Variants in MYB observed in about 807,000 individuals in gnomAD.
MYB encodes transcriptional activator Myb.
MYB carries 28 observed loss-of-function variants against 92.9 expected under a neutral mutation model. The observed-to-expected ratio is 0.30, with a 90% CI of 0.22 to 0.41. The LOEUF is 0.41. Ranked by LOEUF, MYB falls within the 10% of genes least tolerant of loss-of-function variation. The probability of loss-of-function intolerance (pLI) is 1.00; values close to 1 mark genes in which losing one functional copy is unlikely to be tolerated. For synonymous variants in MYB, 295 were observed against 329.1 expected (o/e 0.90, Z 1.12); for missense variants, 679 against 929.3 (o/e 0.73, Z 3.50).
intron 5 of MYB, among the ~76,000 whole-genome samples, chr6:135,191,173 A>G (rs1776578898): frequency 6.6e-6 from 1 of 152,190 alleles, no homozygotes; most frequent in South Asian, 2.1e-4. Context: ...TTGAATTCTC[A>G]TACTACTTCC....
chr6:135,217,929 T>C lies in MYB; in HGVS notation c.2235T>C (p.Ser745=), dbSNP rs754537603. The C allele has an allele frequency of 1.2e-6, 2 of 1,613,564 alleles. No individual in the cohort carries two copies. The highest frequency in any genetic ancestry group is 1.7e-6 in the Non-Finnish European group (2 of 1,179,634). ...GKMEEQMTSS[S]QARKYVNAFS... ...TGGAGGAGCAGATGACATCTTCCAG[T>C]CAAGCTCGTAAATACGTGAATGCAT... Residue 745 remains serine (S), a synonymous_variant, in exon 16 of 16, where the codon AGT becomes AGC. Coordinates refer to ENST00000341911, the MANE Select transcript of MYB (RefSeq NM_001130173.2).
intron 15 of MYB, among the ~76,000 whole-genome samples, chr6:135,215,509 T>C (rs900786176): frequency 2.6e-5 from 4 of 152,186 alleles, no homozygotes; most frequent in African/African-American, 4.8e-5. Context: ...GTCTGTAAAA[T>C]GGATGCAGTG....
chr6:135,205,393 A>G (rs1343942012), intron 15 of MYB, among the ~76,000 whole-genome samples: 1 of 152,218 alleles, frequency 6.6e-6, no homozygotes, highest in Non-Finnish European at 1.5e-5. Flanking sequence ...TAGTACAGAA[A>G]AAGTCTGTTC....
Position 135,195,879 on chromosome 6 carries a change from T to A in MYB, c.1080T>A (p.Asp360Glu), listed in dbSNP as rs1562375725. Residue 360 changes from aspartate to glutamate, a missense_variant, in exon 9 of 16, where the codon GAT becomes GAA. Around this residue, in one of 8 missense-constraint regions of MYB, gnomAD observed 56 missense variants for 55.8 expected, o/e 1.00. Transcript: ENST00000341911. ...ACTCCACTCCATCTCTGCCAGCGGA[T>A]CCTGGCTCCCTACCTGAAGAAAGCG... The part of the protein sequence containing the change: ...EHHSTPSLPA[D>E]PGSLPEESAS... 6.2e-7 allele frequency: 1 copy of A among 1,614,188 alleles called. No individual in the cohort carries two copies. Among genetic ancestry groups the A allele is most frequent in the East Asian group, 2.2e-5 (1 of 44,874 alleles).
At chr6:135,205,538 C>T (rs1237248297) in intron 15 of MYB, among the ~76,000 whole-genome samples, 2 of 152,152 alleles carry the variant, frequency 1.3e-5, no homozygotes. Flanking sequence ...ATCTTTGAAA[C>T]TCAAAATTAA....
chr6:135,201,626 T>C lies in MYB; in HGVS notation c.1951-13T>C. The C allele has an allele frequency of 6.3e-7, 1 of 1,576,748 alleles. No individual in the cohort carries two copies. The highest frequency in any genetic ancestry group is 8.7e-7 in the Non-Finnish European group (1 of 1,148,226). On this transcript the variant is annotated splice_polypyrimidine_tract_variant and intron_variant, in intron 13 of 15. Transcript: ENST00000341911. ...GTTCTAGAAACAACAAAGCACTTTC[T>C]ATATGCTTTTAGGTGGAATCTCCAA...
rs1779319408 is a variant in MYB at position 135,208,695 on chromosome 6, G to A, written c.2169+5371G>A. ...CCTGCCCAGCCTGAAGTATTTTAAA[G>A]TAAATTCCAACTAATATAACATTTT... On this transcript the variant is annotated intron_variant, in intron 15 of 15. Transcript: ENST00000341911. 2.6e-5 allele frequency among the ~76,000 whole-genome samples: 4 copies of A among 152,084 alleles called. No individual in the cohort carries two copies. In the South Asian group the frequency reaches 8.3e-4, roughly 31 times the overall value.
chr6:135,192,910 G>A (rs1182725792), intron 6 of MYB, among the ~76,000 whole-genome samples: 1 of 152,214 alleles, frequency 6.6e-6, no homozygotes, highest in Non-Finnish European at 1.5e-5. Flanking sequence ...GGGGAATGGA[G>A]TCGCATTTGT....
rs1413192857 is a variant in MYB, at chr6:135,190,258, C to T, written c.438C>T (p.Ser146=). Residue 146 remains serine, a synonymous_variant, in exon 5 of 16, where the codon TCC becomes TCT. Transcript: ENST00000341911. This position sits in a 1 kb window ranked among gnomAD's most constrained non-coding sequence, Gnocchi z 4.5. ...NHLNPEVKKT[S]WTEEEDRIIY... is the part of the protein sequence containing the mutation. The stretch of plus-strand genomic sequence containing the variant: ...TGAATCCAGAAGTTAAGAAAACCTC[C>T]TGGACAGAAGAGGAAGACAGAATTA... 2 of 1,613,974 alleles carry T rather than the reference C, an allele frequency of 1.2e-6. No homozygotes were observed. The highest frequency in any genetic ancestry group is 1.3e-5 in the African/African-American group (1 of 74,904).
In MYB at chr6:135,194,595, C is replaced by T. The variant is rs571100911; in HGVS notation, c.948+135C>T. ...CAGAATGTCTCAACACAAGAAGTTG[C>T]TTGTAGTAAAATGTAGTTGGTATCA... On this transcript the variant is annotated intron_variant, in intron 8 of 15. Coordinates refer to ENST00000341911, the MANE Select transcript of MYB (RefSeq NM_001130173.2). 101 of 651,296 alleles carry T rather than the reference C, an allele frequency of 1.6e-4. 1 individual carries two copies. The highest frequency in any genetic ancestry group is 2.4e-4 in the Non-Finnish European group (93 of 382,382). 40.3% of individuals were successfully genotyped at this position (651,296 alleles called of 1,614,324 possible). A position where few individuals can be genotyped will look rare whatever the true frequency, so the allele number is the denominator to read the frequency against.
intron 14 of MYB, chr6:135,202,667 C>T (rs574010326): frequency 6.3e-4 from 166 of 262,186 alleles, no homozygotes; most frequent in Non-Finnish European, 9.3e-4. Flanking sequence ...CGCGCCCGGC[C>T]AGGTGGGTAT....
chr6:135,215,940 A>G (rs752534182), intron 15 of MYB, among the ~76,000 whole-genome samples: 2 of 152,116 alleles, frequency 1.3e-5, no homozygotes. Context: ...CTGAACAGCT[A>G]AGGCCTTTCT....
intron 15 of MYB, among the ~76,000 whole-genome samples, chr6:135,215,291 A>G (rs1780280489): frequency 6.6e-6 from 1 of 152,188 alleles, no homozygotes; most frequent in Non-Finnish European, 1.5e-5. Context: ...ACCCCATCTC[A>G]GCACTTTCCT....
At chr6:135,200,950 GCGCCTGTAGT>G (rs2128303257) in intron 13 of MYB, among the ~76,000 whole-genome samples, 1 of 152,148 alleles carries the variant, frequency 6.6e-6, no homozygotes, top group South Asian at 2.1e-4. Context: ...TTGGTGGCGG[GCGCCTGTAGT>G]CCCAGCTACT....
rs757484799 is a variant in MYB at position 135,197,097 on chromosome 6, C to G, written c.1340C>G (p.Pro447Arg). 1 of 1,614,014 alleles carries G rather than the reference C, an allele frequency of 6.2e-7. No homozygotes were observed. Among genetic ancestry groups the G allele is most frequent in the Admixed American group, 1.7e-5 (1 of 60,026 alleles). The change falls in exon 10 of 16, where the codon CCT becomes CGT. Residue 447 changes from proline (P) to arginine (R), a missense_variant. By Grantham distance (103) the Pro-to-Arg change is moderately radical. Around this residue, in one of 8 missense-constraint regions of MYB, gnomAD observed 402 missense variants for 434.2 expected, o/e 0.93. Coordinates refer to ENST00000341911, the MANE Select transcript of MYB (RefSeq NM_001130173.2). ...EGNGTKPAGE[P>R]SPRVNKRMLS... is the part of the protein sequence containing the mutation. ...AATGGGACTAAACCTGCAGGAGAAC[C>G]TAGCCCAAGGGTGAACAAACGTATG...
At chr6:135,184,960 A>G (rs978749561) in intron 1 of MYB, among the ~76,000 whole-genome samples, 23 of 152,238 alleles carry the variant, frequency 1.5e-4, no homozygotes, top group Non-Finnish European at 5.9e-5. Flanking sequence ...CAGTAAGCAT[A>G]TAGTTACTTC....
intron 15 of MYB, among the ~76,000 whole-genome samples, chr6:135,205,671 A>G (rs1006709964): frequency 6.6e-6 from 1 of 152,212 alleles, no homozygotes; most frequent in African/African-American, 2.4e-5. Context: ...ATATTTGTCA[A>G]TTCTATCAAA....
At chr6:135,202,701 C>A in intron 14 of MYB, 1 of 299,970 alleles carries the variant, frequency 3.3e-6, no homozygotes, top group Non-Finnish European at 6.5e-6. Context: ...ATTATGTCAA[C>A]TGGAAAACAG....
chr6:135,209,314 A>G (rs1034555027), intron 15 of MYB, among the ~76,000 whole-genome samples: 1 of 152,126 alleles, frequency 6.6e-6, no homozygotes, highest in Non-Finnish European at 1.5e-5. Flanking sequence ...GCTTACTGCA[A>G]CCTCCACCTC....
Sources: gnomAD v4.1 joint callset for allele counts (sites outside exome capture counted in the v4.1 genomes callset) on GRCh38, gnomAD v4.1.1 for gene constraint, gnomAD v4.1.1 regional missense constraint, Gnocchi (gnomAD v3.1) non-coding constraint, MANE v1.5 for transcripts, NCBI Gene and HGNC (gene_info 2026-07-23, HGNC 2026-07-21) for gene names.